Variants in EIF3A observed in about 807,000 individuals in gnomAD.
The protein encoded by EIF3A is EIF3, p180 subunit.
In EIF3A, 21 loss-of-function variants were observed where a neutral mutation model predicts 186.6. The ratio of observed to expected loss-of-function variants is 0.11; its 90% CI spans 0.08 to 0.16. The LOEUF (loss-of-function observed/expected upper bound fraction) is 0.16, where lower values mean the gene tolerates loss of function less well. EIF3A is among the 10% of genes least tolerant of loss of function. The pLI is 1.00. For missense variants in EIF3A, 1,306 were observed against 1,796.3 expected (o/e 0.73, Z 4.93); for synonymous variants, 563 against 584.3 (o/e 0.96, Z 0.52).
chr10:119,070,118 A>T (rs1844048715), intron 5 of EIF3A, among the ~76,000 whole-genome samples: 1 of 152,070 alleles, frequency 6.6e-6, no homozygotes, highest in Admixed American at 6.6e-5. Context: ...CAAGACATCA[A>T]ATCACACTTT....
Position 119,059,197 on chromosome 10 carries a change from C to T in EIF3A, c.1629+15G>A, listed in dbSNP as rs775287151. 9.3e-6 allele frequency: 15 copies of T among 1,606,936 alleles called. No individual in the cohort carries two copies. In the South Asian group the frequency reaches 1.3e-4, roughly 14 times the overall value. On this transcript the variant is annotated intron_variant, in intron 11 of 21. Coordinates refer to ENST00000369144, the MANE Select transcript of EIF3A (RefSeq NM_003750.4). ...TCAAAACTTCTGGGATTTATTTCCCCGGGAAGATGCATACCAGTATATGAG... is the reference window on the plus strand; with the variant it reads ...TCAAAACTTCTGGGATTTATTTCCCTGGGAAGATGCATACCAGTATATGAG...
chr10:119,040,366 A>T (rs1848190945), intron 19 of EIF3A, among the ~76,000 whole-genome samples: 1 of 152,186 alleles, frequency 6.6e-6, no homozygotes. Flanking sequence ...GAGACAAAAC[A>T]ACTCCCAGAA....
Position 119,058,118 on chromosome 10 carries a change from C to A in EIF3A, c.1815G>T (p.Arg605=), listed in dbSNP as rs1001270014. 5.0e-6 allele frequency: 8 copies of A among 1,614,172 alleles called. No individual in the cohort carries two copies. The highest frequency in any genetic ancestry group is 1.6e-4 in the Middle Eastern group (1 of 6,062). The change falls in exon 12 of 22, where the codon CGG becomes CGT. Residue 605 remains arginine (R), a synonymous_variant. Coordinates refer to ENST00000369144, the MANE Select transcript of EIF3A (RefSeq NM_003750.4). ...GGCGCAGCCTCTCTTCCTCAGCCTT[C>A]CGCACTTTCTGGAGTTCAGCTTCCC... ...EQREAELQKV[R]KAEEERLRQE... is the part of the protein sequence containing the mutation.
chr10:119,042,753 C>G lies in EIF3A; in HGVS notation c.2767G>C (p.Gly923Arg). 1 of 1,607,018 alleles carries G rather than the reference C, an allele frequency of 6.2e-7. No homozygotes were observed. Among genetic ancestry groups the G allele is most frequent in the Non-Finnish European group, 8.5e-7 (1 of 1,176,476 alleles). ...PPEKEWRRGE[G>R]RDEDRSHRRD... is the part of the protein sequence containing the mutation. ...CTATGAGACCTGTCCTCATCTCGCC[C>G]TTCTCCACGTCTCCACTCCCTACAC... Residue 923 changes from glycine (G) to arginine (R), a missense_variant, in exon 19 of 22, where the codon GGG (glycine) becomes CGG (arginine). Gly to Arg is a moderately radical substitution (Grantham distance 125). Around this residue, in one of 8 missense-constraint regions of EIF3A, gnomAD observed 410 missense variants for 473.5 expected, o/e 0.87. Transcript: ENST00000369144. The surrounding 1 kb of genome is among the most constrained non-coding windows in gnomAD (Gnocchi z 7.8).
chr10:119,055,894 A>G (rs1843770790), intron 14 of EIF3A, among the ~76,000 whole-genome samples: 2 of 152,148 alleles, frequency 1.3e-5, no homozygotes. Context: ...CTCCAAATCA[A>G]CCCAATTTGG....
chr10:119,080,345 G>A lies in EIF3A; in HGVS notation c.49+283C>T, dbSNP rs371336081. ...AAGGAGGGAGCTCCAGTCCGGGTAG[G>A]GGCTGTCTCCCGGGCTGCGGTCCCC... On this transcript the variant is annotated intron_variant, in intron 1 of 21. Transcript: ENST00000369144. 30 of 985,458 alleles carry A rather than the reference G, an allele frequency of 3.0e-5. No homozygotes were observed. The East Asian group carries it at 1.8e-3, about 60-fold the overall frequency. The allele number at this position is 985,458 out of a possible 1,614,324, so 61.0% of individuals were successfully genotyped here. A position where few individuals can be genotyped will look rare whatever the true frequency, so the allele number is the denominator to read the frequency against.
At chr10:119,066,485 G>A (rs910960744) in intron 6 of EIF3A, among the ~76,000 whole-genome samples, 33 of 117,286 alleles carry the variant, frequency 2.8e-4, no homozygotes, top group Admixed American at 3.8e-4. Context: ...CTCCAGCCTG[G>A]GGGGCAGAGT....
At chr10:119,045,873 A>T (rs1848276956) in intron 17 of EIF3A, among the ~76,000 whole-genome samples, 1 of 152,216 alleles carries the variant, frequency 6.6e-6, no homozygotes, top group South Asian at 2.1e-4. Context: ...GGCCCAGCAG[A>T]TCCAAGAGCA....
chr10:119,078,899 CA>C (rs1844217575), intron 1 of EIF3A, among the ~76,000 whole-genome samples: 1 of 151,992 alleles, frequency 6.6e-6, no homozygotes, highest in African/African-American at 2.4e-5. Flanking sequence ...CCGAACACAC[CA>C]AATATATAAT....
chr10:119,050,991 T>G (rs1848348904), intron 15 of EIF3A, among the ~76,000 whole-genome samples: 1 of 152,252 alleles, frequency 6.6e-6, no homozygotes, highest in Admixed American at 6.5e-5. Flanking sequence ...TAAACAAAAC[T>G]TGTATTAAAT....
Position 119,056,924 on chromosome 10 carries a change from C to G in EIF3A, c.2082+12G>C, listed in dbSNP as rs1339042216. 1.9e-6 allele frequency: 3 copies of G among 1,600,022 alleles called. No individual in the cohort carries two copies. The highest frequency in any genetic ancestry group is 1.7e-6 in the Non-Finnish European group (2 of 1,168,028). On this transcript the variant is annotated intron_variant, in intron 13 of 21. Transcript: ENST00000369144. The stretch of plus-strand genomic sequence containing the variant: ...CTTGGTATGTTAAAGGTTTACCAAC[C>G]CTTTCATTTACCTTCTTTTCTTGAT...
At chr10:119,062,386 T>C (rs1361192849) in intron 7 of EIF3A, among the ~76,000 whole-genome samples, 1 of 152,204 alleles carries the variant, frequency 6.6e-6, no homozygotes, top group Non-Finnish European at 1.5e-5. Context: ...TGTTTGAGTC[T>C]TTTCCTGAGA....
chr10:119,049,275 C>T (rs1237291760), intron 17 of EIF3A, among the ~76,000 whole-genome samples: 1 of 152,104 alleles, frequency 6.6e-6, no homozygotes, highest in East Asian at 1.9e-4. Flanking sequence ...ACCTGGCCAA[C>T]ATGGTGAAAC....
intron 7 of EIF3A, among the ~76,000 whole-genome samples, chr10:119,062,069 G>A (rs1220453668): frequency 2.6e-5 from 4 of 152,168 alleles, no homozygotes; most frequent in Non-Finnish European, 5.9e-5. Context: ...TAACTCTAAT[G>A]TAAAATGGGT....
chr10:119,054,600 T>C (rs1011950016), intron 14 of EIF3A, among the ~76,000 whole-genome samples: 9 of 150,334 alleles, frequency 6.0e-5, no homozygotes, highest in Middle Eastern at 3.5e-3. Flanking sequence ...TGGTGGCACA[T>C]GCCTGTAATC....
At chr10:119,073,248 T>C (rs1163550825) in intron 3 of EIF3A, among the ~76,000 whole-genome samples, 193 bp downstream of exon 3, 1 of 152,216 alleles carries the variant, frequency 6.6e-6, no homozygotes, top group South Asian at 2.1e-4. Flanking sequence ...TGCCCCTCTA[T>C]CTTAAGGCTG....
chr10:119,060,911 CTCTT>C (rs1039346041), intron 8 of EIF3A, 67 bp from the exon 9 acceptor site: 156 of 1,091,968 alleles, frequency 1.4e-4, no homozygotes, highest in Admixed American at 3.2e-4. Context: ...ACATCTAAAA[CTCTT>C]TTTTTTTTAA....
rs900314102 is a variant in EIF3A, at chr10:119,037,413, A to G, written c.3729-104T>C. The G allele has an allele frequency of 4.9e-6, 5 of 1,026,660 alleles. No individual in the cohort carries two copies. The African/African-American group carries it at 9.0e-5, about 18-fold the overall frequency. 63.6% of individuals were successfully genotyped at this position (1,026,660 alleles called of 1,614,324 possible). ...GGGGCTTAGAGTTTACAAATATAAC[A>G]GACAGTTTAAACTCATAACCTGACC... On this transcript the variant is annotated intron_variant, in intron 20 of 21. Coordinates refer to ENST00000369144, the MANE Select transcript of EIF3A (RefSeq NM_003750.4).
At chr10:119,062,743 C>CTTTTTTTTTTTTTTTTTTTT (rs372690463) in intron 7 of EIF3A, among the ~76,000 whole-genome samples, 1 of 91,030 alleles carries the variant, frequency 1.1e-5, no homozygotes, top group Non-Finnish European at 2.0e-5. Flanking sequence ...AAGAGATCAC[C>CTTTTTTTTTTTTTTTTTTTT]TTTTTTTTTT....
Sources: allele counts gnomAD v4.1 joint callset (sites outside exome capture counted in the v4.1 genomes callset), GRCh38; gene constraint gnomAD v4.1.1; regional missense constraint gnomAD v4.1.1; non-coding constraint Gnocchi (gnomAD v3.1); transcripts MANE v1.5; gene names NCBI Gene and HGNC (gene_info 2026-07-23, HGNC 2026-07-21).